The following CNTNAP5 variants were observed in gnomAD, a reference collection of about 807,000 sequenced individuals.
The protein encoded by CNTNAP5 is contactin associated protein family member 5.
In CNTNAP5, 72 loss-of-function variants were observed where a neutral mutation model predicts 150.2. That is an observed-to-expected ratio of 0.48 (90% CI 0.40 to 0.58). CNTNAP5 has a LOEUF of 0.58. Among genes scored for constraint, CNTNAP5 ranks in the 20% least tolerant of loss-of-function variants. CNTNAP5 has a pLI of 0.00. For missense variants in CNTNAP5, 1,636 were observed against 1,626.2 expected (o/e 1.01, Z -0.10); for synonymous variants, 672 against 619.8 (o/e 1.08, Z -1.25).
rs576084078 is a variant in CNTNAP5 at position 124,279,956 on chromosome 2, GTCC to G, written c.381+37568_381+37570del. 2.3e-3 allele frequency among the ~76,000 whole-genome samples: 343 copies of G among 151,652 alleles called. 1 individual carries two copies. Among genetic ancestry groups the G allele is most frequent in the African/African-American group, 7.8e-3 (322 of 41,362 alleles). On this transcript the variant is annotated intron_variant, in intron 3 of 23. Coordinates refer to ENST00000682447, the MANE Select transcript of CNTNAP5 (RefSeq NM_001367498.1). ...ATTTAACCTCTGTTCCATGCCTTTC[GTCC>G]TCCTAATATTTTTCTTTACTTTATA...
intron 1 of CNTNAP5, among the ~76,000 whole-genome samples, chr2:124,114,229 C>T (rs942125247): frequency 2.0e-5 from 3 of 151,984 alleles, no homozygotes; most frequent in Admixed American, 6.6e-5. Flanking sequence ...ATTGTTACAA[C>T]ATTAAGTCAT....
chr2:124,235,196 A>G (rs1386442006), intron 2 of CNTNAP5, among the ~76,000 whole-genome samples: 1 of 152,134 alleles, frequency 6.6e-6, no homozygotes, highest in Non-Finnish European at 1.5e-5. Context: ...TGAACTTTGT[A>G]TCAATCTGAC....
chr2:124,300,452 G>A (rs995718163), intron 3 of CNTNAP5, among the ~76,000 whole-genome samples: 10 of 152,322 alleles, frequency 6.6e-5, no homozygotes, highest in African/African-American at 1.9e-4. Flanking sequence ...GGATAGGAAT[G>A]AGTCACGTGA....
intron 17 of CNTNAP5, among the ~76,000 whole-genome samples, chr2:124,780,149 T>C (rs1558772493): frequency 6.6e-6 from 1 of 152,146 alleles, no homozygotes; most frequent in Non-Finnish European, 1.5e-5. Flanking sequence ...TTAATAATAA[T>C]CAATAGCTTG....
chr2:124,566,477 TA>T (rs1459510611), intron 11 of CNTNAP5, among the ~76,000 whole-genome samples: 2 of 152,174 alleles, frequency 1.3e-5, no homozygotes, highest in African/African-American at 4.8e-5. Context: ...TGCTGATTTT[TA>T]AAGGAACACT....
At chr2:124,284,073 C>T (rs972331364) in intron 3 of CNTNAP5, among the ~76,000 whole-genome samples, 4 of 152,218 alleles carry the variant, frequency 2.6e-5, no homozygotes, top group East Asian at 1.9e-4. Context: ...TGAGAATATG[C>T]GGTGTTTGGT....
chr2:124,794,344 C>T (rs1187177992), intron 18 of CNTNAP5, among the ~76,000 whole-genome samples: 1 of 152,164 alleles, frequency 6.6e-6, no homozygotes, highest in African/African-American at 2.4e-5. Context: ...AAGCGCAGGA[C>T]TCTTTCACAG....
At chr2:124,851,954 G>C (rs920467156) in intron 19 of CNTNAP5, among the ~76,000 whole-genome samples, 2 of 152,178 alleles carry the variant, frequency 1.3e-5, no homozygotes, top group African/African-American at 4.8e-5. Flanking sequence ...CAAGGGACTT[G>C]AGGCTGTAAA....
At chr2:124,079,295 C>T (rs1407212825) in intron 1 of CNTNAP5, among the ~76,000 whole-genome samples, 2 of 152,160 alleles carry the variant, frequency 1.3e-5, no homozygotes, top group Non-Finnish European at 2.9e-5. Context: ...TGGCTCCAAC[C>T]CCCATGTTCT....
intron 1 of CNTNAP5, among the ~76,000 whole-genome samples, chr2:124,079,434 T>C (rs770670073): frequency 9.9e-5 from 15 of 152,142 alleles, no homozygotes; most frequent in Non-Finnish European, 1.5e-4. Flanking sequence ...ATACCACCCA[T>C]TCAACCTCTA....
chr2:124,135,894 A>C (rs1234993077), intron 1 of CNTNAP5, among the ~76,000 whole-genome samples: 1 of 152,140 alleles, frequency 6.6e-6, no homozygotes, highest in Non-Finnish European at 1.5e-5. Flanking sequence ...GGACAATCAC[A>C]ATCTCCTTCA....
At chr2:124,030,148 C>T (rs1681005287) in intron 1 of CNTNAP5, among the ~76,000 whole-genome samples, 1 of 152,114 alleles carries the variant, frequency 6.6e-6, no homozygotes, top group Admixed American at 6.5e-5. Flanking sequence ...ATCCTATTTA[C>T]TTTTAATGTA....
intron 3 of CNTNAP5, among the ~76,000 whole-genome samples, chr2:124,354,264 C>A (rs1175795909): frequency 6.6e-6 from 1 of 151,906 alleles, no homozygotes; most frequent in African/African-American, 2.4e-5. Context: ...TGAATTAAAA[C>A]AAACAAAAAA....
intron 3 of CNTNAP5, among the ~76,000 whole-genome samples, chr2:124,342,086 G>A (rs1447032571): frequency 6.6e-6 from 1 of 152,056 alleles, no homozygotes; most frequent in African/African-American, 2.4e-5. Context: ...CCGAAAAATG[G>A]GTATATTATA....
At chr2:124,588,131 TTTCC>T (rs142353820) in intron 11 of CNTNAP5, among the ~76,000 whole-genome samples, 23,760 of 38,184 alleles carry the variant, frequency 0.62, 7,324 homozygotes, top group East Asian at 0.72. Flanking sequence ...CTTCCTTCCT[TTTCC>T]TTCCTTCCTT....
At chr2:124,057,305 G>A (rs1253211484) in intron 1 of CNTNAP5, among the ~76,000 whole-genome samples, 1 of 146,300 alleles carries the variant, frequency 6.8e-6, no homozygotes, top group African/African-American at 2.5e-5. Flanking sequence ...TTTTTGAGGT[G>A]GAGTCTTACT....
At chr2:124,292,393 A>C (rs1327259322) in intron 3 of CNTNAP5, among the ~76,000 whole-genome samples, 1 of 152,172 alleles carries the variant, frequency 6.6e-6, no homozygotes, top group Non-Finnish European at 1.5e-5. Flanking sequence ...ACAAAAGCAA[A>C]GGAGGAACGG....
intron 6 of CNTNAP5, among the ~76,000 whole-genome samples, chr2:124,451,167 A>T (rs183398915): frequency 1.3e-5 from 2 of 149,538 alleles, no homozygotes; most frequent in African/African-American, 4.9e-5. Flanking sequence ...TGATTTACAT[A>T]TTATCACTTC....
At chr2:124,791,520 C>T (rs1023643915) in intron 18 of CNTNAP5, among the ~76,000 whole-genome samples, 5 of 152,058 alleles carry the variant, frequency 3.3e-5, no homozygotes, top group African/African-American at 4.8e-5. Context: ...AGGAGGAGCA[C>T]GAACAGAATA....
Sources: gnomAD v4.1 joint callset for allele counts (sites outside exome capture counted in the v4.1 genomes callset) on GRCh38, gnomAD v4.1.1 for gene constraint, MANE v1.5 for transcripts, NCBI Gene and HGNC (gene_info 2026-07-23, HGNC 2026-07-21) for gene names.